The following COL14A1 variants were observed in gnomAD, a reference collection of about 807,000 sequenced individuals.
The protein encoded by COL14A1 is collagen type XIV alpha 1 chain.
In COL14A1, 136 loss-of-function variants were observed where a neutral mutation model predicts 230.3. The ratio of observed to expected loss-of-function variants is 0.59; its 90% confidence interval spans 0.51 to 0.68. COL14A1 has a LOEUF of 0.68. Among genes scored for constraint, COL14A1 ranks in the 30% least tolerant of loss-of-function variants. The pLI is 0.00. For synonymous variants in COL14A1, 792 were observed against 784.1 expected (o/e 1.01, Z -0.17); for missense variants, 1,976 against 2,215.8 (o/e 0.89, Z 2.17).
At position 120,278,396 on chromosome 8, in the gene COL14A1, G is replaced by A. The variant is rs190578762; in HGVS notation, c.3338-39G>A. 1.3e-3 allele frequency: 2,047 copies of A among 1,588,974 alleles called. 3 individuals carry two copies. Among genetic ancestry groups the A allele is most frequent in the Non-Finnish European group, 1.6e-3 (1,905 of 1,167,162 alleles). ...TTCTTCTCCAGAAAAACAAAAATGG[G>A]AGGGAGTGAAATCAAACTGTTGCCT... On this transcript the variant is annotated intron_variant, in intron 27 of 47. Coordinates refer to ENST00000297848, the MANE Select transcript of COL14A1 (RefSeq NM_021110.4).
intron 44 of COL14A1, among the ~76,000 whole-genome samples, chr8:120,345,088 G>T (rs1822451024): frequency 6.6e-6 from 1 of 152,156 alleles, no homozygotes; most frequent in Non-Finnish European, 1.5e-5. Flanking sequence ...TGAGGGTAAA[G>T]ATGAAATTTA....
intron 43 of COL14A1, among the ~76,000 whole-genome samples, chr8:120,341,792 A>G (rs1233984520): frequency 6.6e-6 from 1 of 152,214 alleles, no homozygotes; most frequent in African/African-American, 2.4e-5. Flanking sequence ...CAGGAAGACA[A>G]TGGCAGGCAT....
At chr8:120,236,752 G>T (rs1374370125) in intron 19 of COL14A1, among the ~76,000 whole-genome samples, 3 of 152,114 alleles carry the variant, frequency 2.0e-5, no homozygotes, top group Non-Finnish European at 4.4e-5. Flanking sequence ...GCAGTGGCTG[G>T]TACCGGTTTT....
chr8:120,159,668 G>T (rs1054647069), intron 3 of COL14A1, among the ~76,000 whole-genome samples: 1 of 151,956 alleles, frequency 6.6e-6, no homozygotes, highest in Admixed American at 6.6e-5. Flanking sequence ...TCACCAAAAG[G>T]CCAAATCTTT....
chr8:120,308,004 C>T lies in COL14A1; in HGVS notation c.4402-2005C>T, dbSNP rs531097387. ...TTTTTTAATTTTTAATTTTTTGAGA[C>T]GGAGTCTCACGCTGTCGCTTAGGCT... On this transcript the variant is annotated intron_variant, in intron 36 of 47. Transcript: ENST00000297848. 1.3e-3 allele frequency among the ~76,000 whole-genome samples: 202 copies of T among 152,220 alleles called. 1 individual carries two copies. Among genetic ancestry groups the T allele is most frequent in the African/African-American group, 4.4e-3 (181 of 41,546 alleles).
At chr8:120,188,436 C>A (rs947779577) in intron 5 of COL14A1, among the ~76,000 whole-genome samples, 1 of 152,100 alleles carries the variant, frequency 6.6e-6, no homozygotes, top group East Asian at 1.9e-4. Flanking sequence ...GTTAAGAAAT[C>A]GCTAGTTCTT....
intron 14 of COL14A1, among the ~76,000 whole-genome samples, chr8:120,219,937 A>G (rs930092308): frequency 7.2e-5 from 11 of 152,130 alleles, no homozygotes; most frequent in East Asian, 5.8e-4. Context: ...AGTAAAATGC[A>G]TAAGCCATGC....
chr8:120,124,922 A>G (rs965378961), upstream of COL14A1, among the ~76,000 whole-genome samples: 21 of 152,272 alleles, frequency 1.4e-4, no homozygotes, highest in African/African-American at 4.6e-4. Context: ...GGTTCGGGGT[A>G]GGCGAGCGCG....
At chr8:120,314,789 T>C (rs1053692942) in intron 38 of COL14A1, among the ~76,000 whole-genome samples, 1 of 152,190 alleles carries the variant, frequency 6.6e-6, no homozygotes, top group Admixed American at 6.5e-5. Context: ...ATAATAAACA[T>C]TGGTTGAGGT....
chr8:120,287,016 T>C (rs1035849557), intron 33 of COL14A1, among the ~76,000 whole-genome samples: 1 of 152,140 alleles, frequency 6.6e-6, no homozygotes, highest in Non-Finnish European at 1.5e-5. Context: ...TACTAGGTGG[T>C]GTAGAAAAAT....
rs1470050171 is a variant in COL14A1 at position 120,371,347 on chromosome 8, C to T, written c.*116C>T. 1.1e-5 allele frequency: 6 copies of T among 530,226 alleles called. No individual in the cohort carries two copies. The highest frequency in any genetic ancestry group is 6.3e-5 in the Admixed American group (2 of 31,734). The allele number at this position is 530,226 out of a possible 1,614,324, so 32.8% of individuals were successfully genotyped here. On this transcript the variant is annotated 3_prime_UTR_variant, in exon 48 of 48. Transcript: ENST00000297848. ...TGGGGGGCAGGGCTCATTTCAGCAGCCTAAATCTCCTCCTTGGATAATGTT... is the reference window on the plus strand; with the variant it reads ...TGGGGGGCAGGGCTCATTTCAGCAGTCTAAATCTCCTCCTTGGATAATGTT...
intron 35 of COL14A1, 55 bp from the exon 36 acceptor site, chr8:120,300,677 A>G: frequency 7.6e-7 from 1 of 1,308,622 alleles, no homozygotes. Flanking sequence ...GAGCCAGTAA[A>G]GCCATTTGTA....
chr8:120,162,285 C>T (rs1489381962), intron 3 of COL14A1, 141 bp from the exon 4 acceptor site: 1 of 587,826 alleles, frequency 1.7e-6, no homozygotes. Flanking sequence ...TAAATATATA[C>T]ACTTTAAAAT....
At chr8:120,261,688 T>A (rs1292942506) in intron 23 of COL14A1, among the ~76,000 whole-genome samples, 1 of 152,150 alleles carries the variant, frequency 6.6e-6, no homozygotes, top group Non-Finnish European at 1.5e-5. Flanking sequence ...CCATATGAAT[T>A]GGCTGTGTAT....
intron 22 of COL14A1, among the ~76,000 whole-genome samples, chr8:120,253,139 A>T (rs1819029642): frequency 6.6e-6 from 1 of 152,142 alleles, no homozygotes; most frequent in Non-Finnish European, 1.5e-5. Context: ...CATCTCCTAT[A>T]GCTGGGATTA....
intron 19 of COL14A1, among the ~76,000 whole-genome samples, chr8:120,237,166 G>A (rs1375307291): frequency 1.3e-5 from 2 of 152,152 alleles, no homozygotes; most frequent in Non-Finnish European, 2.9e-5. Context: ...GTCTTGCTAG[G>A]TTGGGGAAGT....
At chr8:120,370,625 T>C (rs1005711288) in intron 47 of COL14A1, 3 of 1,448,042 alleles carry the variant, frequency 2.1e-6, no homozygotes, top group Non-Finnish European at 2.7e-6. Flanking sequence ...CATGTCAGCC[T>C]GGATAGAGGT....
intron 1 of COL14A1, among the ~76,000 whole-genome samples, chr8:120,143,435 G>C (rs1036478672): frequency 6.6e-5 from 10 of 152,034 alleles, no homozygotes; most frequent in African/African-American, 2.4e-4. Context: ...TGGCCAACAG[G>C]GTGAAACCCT....
Position 120,341,349 on chromosome 8 carries a change from C to T in COL14A1, c.4810C>T (p.Arg1604Ter), listed in dbSNP as rs1352699392. ...GGGTGTCCCTGGAGCAAAGGGGGAA[C>T]GAGGAGAGCGGGTAAGTATCCTGTG... ...PPGVPGAKGERGERGDLQSQA... is the reference protein window; with the variant it reads ...PPGVPGAKGE Residue 1604 changes from arginine (R) to a stop codon, truncating the protein, a stop_gained, in exon 43 of 48, where the codon CGA (arginine) becomes TGA (stop). Coordinates refer to ENST00000297848, the MANE Select transcript of COL14A1 (RefSeq NM_021110.4). LOFTEE classifies it high-confidence loss of function. 9.9e-6 allele frequency: 16 copies of T among 1,614,022 alleles called. No individual in the cohort carries two copies. The highest frequency in any genetic ancestry group is 4.0e-5 in the African/African-American group (3 of 74,912).
Sources: allele counts gnomAD v4.1 joint callset (sites outside exome capture counted in the v4.1 genomes callset), GRCh38; gene constraint gnomAD v4.1.1; transcripts MANE v1.5; gene names NCBI Gene and HGNC (gene_info 2026-07-23, HGNC 2026-07-21).